The following RIC8B variants were observed in gnomAD, a reference collection of about 807,000 sequenced individuals.
The protein encoded by RIC8B is chaperone Ric-8B.
Under a neutral mutation model 57.5 loss-of-function variants are expected in RIC8B, and 16 were observed. The observed-to-expected ratio is 0.28, with a 90% CI of 0.19 to 0.42. The LOEUF (loss-of-function observed/expected upper bound fraction) is 0.42. Among genes scored for constraint, RIC8B ranks in the 10% least tolerant of loss-of-function variants. RIC8B has a pLI of 1.00. For synonymous variants in RIC8B, 216 were observed against 250.8 expected (o/e 0.86, Z 1.31); for missense variants, 481 against 677.0 (o/e 0.71, Z 3.21).
intron 3 of RIC8B, among the ~76,000 whole-genome samples, chr12:106,817,169 C>A (rs754035381): frequency 2.0e-5 from 3 of 152,118 alleles, no homozygotes; most frequent in Non-Finnish European, 4.4e-5. Flanking sequence ...TATTTATGGT[C>A]AATTGCTAGA....
intron 9 of RIC8B, among the ~76,000 whole-genome samples, chr12:106,883,023 G>C (rs1484619061): frequency 6.6e-6 from 1 of 152,140 alleles, no homozygotes; most frequent in Non-Finnish European, 1.5e-5. Flanking sequence ...TATTACTTCT[G>C]GGTTTAGATG....
intron 2 of RIC8B, 86 bp from the exon 3 acceptor site, chr12:106,814,607 CTGT>C: frequency 7.7e-7 from 1 of 1,305,652 alleles, no homozygotes; most frequent in Non-Finnish European, 1.1e-6. Context: ...GGATTTTTAA[CTGT>C]TGTTAAGTAC....
chr12:106,877,710 C>T (rs1372417257), intron 9 of RIC8B, among the ~76,000 whole-genome samples: 1 of 152,086 alleles, frequency 6.6e-6, no homozygotes. Context: ...AAAAGGCTTC[C>T]CTATGGGACT....
chr12:106,883,952 C>T (rs796075904), intron 9 of RIC8B, among the ~76,000 whole-genome samples: 6 of 152,258 alleles, frequency 3.9e-5, no homozygotes, highest in African/African-American at 1.4e-4. Context: ...GGCCCTTTCC[C>T]GGCTTCATGA....
intron 7 of RIC8B, among the ~76,000 whole-genome samples, chr12:106,855,482 A>G (rs1212462813): frequency 6.6e-6 from 1 of 152,052 alleles, no homozygotes; most frequent in African/African-American, 2.4e-5. Context: ...ACCATTCACT[A>G]CCCACCAAAT....
chr12:106,790,223 T>C (rs1343279021), intron 2 of RIC8B, among the ~76,000 whole-genome samples: 1 of 152,192 alleles, frequency 6.6e-6, no homozygotes, highest in Non-Finnish European at 1.5e-5. Flanking sequence ...CACTGCTCAA[T>C]AGCTCCCTCT....
chr12:106,855,104 C>A (rs778183121), intron 7 of RIC8B, among the ~76,000 whole-genome samples: 2 of 152,158 alleles, frequency 1.3e-5, no homozygotes, highest in Non-Finnish European at 2.9e-5. Flanking sequence ...CACCTTTTAT[C>A]GTATTCATTA....
At chr12:106,860,994 C>G (rs536218478) in intron 8 of RIC8B, among the ~76,000 whole-genome samples, 1 of 151,814 alleles carries the variant, frequency 6.6e-6, no homozygotes, top group East Asian at 1.9e-4. Context: ...GAAGTCTTCT[C>G]TGAGTCAGTG....
chr12:106,788,630 A>G (rs1164763624), intron 2 of RIC8B, among the ~76,000 whole-genome samples: 1 of 152,200 alleles, frequency 6.6e-6, no homozygotes, highest in Non-Finnish European at 1.5e-5. Flanking sequence ...GGAAGCTGCC[A>G]AGGTCTAGGG....
intron 5 of RIC8B, 85 bp downstream of exon 5, chr12:106,842,902 T>C (rs1309170785): frequency 1.0e-5 from 8 of 797,144 alleles, no homozygotes; most frequent in African/African-American, 1.7e-5. Context: ...TCACAGAGCA[T>C]GATTTTTAAA....
At chr12:106,802,470 A>AT (rs1355622906) in intron 2 of RIC8B, among the ~76,000 whole-genome samples, 1 of 147,504 alleles carries the variant, frequency 6.8e-6, no homozygotes. Flanking sequence ...TATCTATTCT[A>AT]TTTTTTTAAA....
rs561688751 is a variant in RIC8B, at chr12:106,796,303, C to T, written c.132+12259C>T. Among the ~76,000 whole-genome samples the T allele has an allele frequency of 3.9e-5, 6 of 152,074 alleles. No homozygotes were observed. In the South Asian group the frequency reaches 8.3e-4, roughly 21 times the overall value. On this transcript the variant is annotated intron_variant, in intron 2 of 9. Coordinates refer to ENST00000392837, the MANE Select transcript of RIC8B (RefSeq NM_001330145.2). ...CTATAATCCCAGCACGTTAGGAGGC[C>T]GAGGTGGGAGGGTCTGTTGAGCTCA...
At chr12:106,795,168 T>C (rs2044422239) in intron 2 of RIC8B, among the ~76,000 whole-genome samples, 1 of 152,134 alleles carries the variant, frequency 6.6e-6, no homozygotes, top group Admixed American at 6.6e-5. Context: ...AAGACAAAAT[T>C]ATAAAGTAAT....
rs1354398041 is a variant in RIC8B, at chr12:106,879,849, A to C, written c.1572-6055A>C. On this transcript the variant is annotated intron_variant, in intron 9 of 9. Coordinates refer to ENST00000392837, the MANE Select transcript of RIC8B (RefSeq NM_001330145.2). The surrounding 1 kb of genome is among the most constrained non-coding windows in gnomAD (Gnocchi z 4.9). ...ATGAGAAGCCCGCCATGATACTGTC[A>C]CAGTGCCTAGAATGGGCTCTTTATC... 1.0e-6 allele frequency: 1 copy of C among 985,310 alleles called. No individual in the cohort carries two copies. Among genetic ancestry groups the C allele is most frequent in the Non-Finnish European group, 1.2e-6 (1 of 829,938 alleles). The allele number at this position is 985,310 out of a possible 1,614,324, so 61.0% of individuals were successfully genotyped here.
At chr12:106,882,563 G>C (rs1479009102) in intron 9 of RIC8B, among the ~76,000 whole-genome samples, 2 of 152,096 alleles carry the variant, frequency 1.3e-5, no homozygotes, top group Non-Finnish European at 2.9e-5. Flanking sequence ...CCATTTCACT[G>C]GTAGGGAAAC....
At chr12:106,872,775 A>C (rs1364273401) in intron 9 of RIC8B, among the ~76,000 whole-genome samples, 2 of 152,144 alleles carry the variant, frequency 1.3e-5, no homozygotes, top group African/African-American at 4.8e-5. Context: ...AGGACAGTAA[A>C]CCAGTTGCAT....
intron 9 of RIC8B, among the ~76,000 whole-genome samples, chr12:106,885,624 CT>C (rs1951147785): frequency 6.6e-6 from 1 of 151,594 alleles, no homozygotes. Flanking sequence ...AGACCTGCTC[CT>C]TGTCCTGAGC....
intron 1 of RIC8B, among the ~76,000 whole-genome samples, chr12:106,779,868 C>CTTTTT (rs34745029): frequency 4.2e-4 from 42 of 98,910 alleles, no homozygotes; most frequent in Middle Eastern, 6.5e-3. Flanking sequence ...GGGGCCTGTT[C>CTTTTT]TTTTTTTTTT....
chr12:106,781,418 A>G (rs1325984914), intron 1 of RIC8B, among the ~76,000 whole-genome samples: 1 of 152,196 alleles, frequency 6.6e-6, no homozygotes, highest in Non-Finnish European at 1.5e-5. Context: ...GAGAATAAAG[A>G]TAGGGGTACT....
Sources: allele counts gnomAD v4.1 joint callset (sites outside exome capture counted in the v4.1 genomes callset), GRCh38; gene constraint gnomAD v4.1.1; non-coding constraint Gnocchi (gnomAD v3.1); transcripts MANE v1.5; gene names NCBI Gene and HGNC (gene_info 2026-07-23, HGNC 2026-07-21).